Variants in RUFY2 observed in about 807,000 individuals in gnomAD.
RUFY2 encodes the protein RUN and FYVE domain containing 2.
RUFY2 carries 49 observed loss-of-function variants against 94.4 expected under a neutral mutation model. The observed-to-expected ratio is 0.52, with a 90% CI of 0.41 to 0.66. The LOEUF is 0.66. RUFY2 is among the 30% of genes least tolerant of loss of function. The pLI, the probability that RUFY2 is intolerant of heterozygous loss-of-function variation, is 0.00. For missense variants in RUFY2, 541 were observed against 692.8 expected (o/e 0.78, Z 2.46); for synonymous variants, 255 against 235.7 (o/e 1.08, Z -0.75).
chr10:68,361,366 C>T (rs1326635754), intron 15 of RUFY2, among the ~76,000 whole-genome samples: 2 of 152,148 alleles, frequency 1.3e-5, no homozygotes, highest in Non-Finnish European at 2.9e-5. Flanking sequence ...TAATATTAAA[C>T]CATTATGATC....
At chr10:68,392,017 T>C (rs2050031620) in intron 7 of RUFY2, among the ~76,000 whole-genome samples, 1 of 150,134 alleles carries the variant, frequency 6.7e-6, no homozygotes, top group South Asian at 2.2e-4. Flanking sequence ...ATCTCATATA[T>C]TTCTTTCTTT....
At chr10:68,391,919 C>T (rs1486815850) in intron 7 of RUFY2, among the ~76,000 whole-genome samples, 15 of 140,964 alleles carry the variant, frequency 1.1e-4, no homozygotes, top group African/African-American at 3.4e-4. Context: ...TGAGCTGAGA[C>T]GGTGCCATTG....
intron 16 of RUFY2, among the ~76,000 whole-genome samples, chr10:68,352,856 G>A (rs1245631363): frequency 6.6e-6 from 1 of 151,778 alleles, no homozygotes; most frequent in African/African-American, 2.4e-5. Flanking sequence ...GGAGGTGGAG[G>A]TTGCAGTGAG....
intron 15 of RUFY2, among the ~76,000 whole-genome samples, chr10:68,356,185 T>C (rs1303699914): frequency 6.6e-6 from 1 of 151,928 alleles, no homozygotes; most frequent in Non-Finnish European, 1.5e-5. Context: ...ATTATTTCTC[T>C]AGCAAATACA....
intron 13 of RUFY2, among the ~76,000 whole-genome samples, chr10:68,366,769 T>A (rs2047863730): frequency 7.6e-6 from 1 of 131,866 alleles, no homozygotes; most frequent in Non-Finnish European, 1.5e-5. Flanking sequence ...TAATATTAAA[T>A]ATATTAAATA....
At chr10:68,377,272 A>G in intron 12 of RUFY2, 1 of 1,184,362 alleles carries the variant, frequency 8.4e-7, no homozygotes. Context: ...TATGCAGAGC[A>G]TAACGAATCA....
intron 13 of RUFY2, among the ~76,000 whole-genome samples, chr10:68,367,124 C>A (rs142922273): frequency 0.035 from 5,366 of 151,412 alleles, 289 homozygotes; most frequent in African/African-American, 0.12. Flanking sequence ...GCTGAGATTG[C>A]GCCACTGCAT....
chr10:68,375,457 C>A (rs889403770), intron 13 of RUFY2, among the ~76,000 whole-genome samples: 1 of 151,564 alleles, frequency 6.6e-6, no homozygotes, highest in African/African-American at 2.4e-5. Flanking sequence ...ACCCCCAAAC[C>A]TAAAATAAAA....
chr10:68,382,713 C>CA (rs1275714576), intron 10 of RUFY2, among the ~76,000 whole-genome samples: 1,175 of 58,576 alleles, frequency 0.02, 26 homozygotes, highest in African/African-American at 0.066. Flanking sequence ...GACTCTATCT[C>CA]AAAAAAAAAA....
chr10:68,405,662 AT>A, intron 1 of RUFY2: 1 of 970,120 alleles, frequency 1.0e-6, no homozygotes, highest in Non-Finnish European at 1.2e-6. Flanking sequence ...GACAGGTAAA[AT>A]ACACTGACAA....
chr10:68,343,378 A>T (rs2046084209), downstream of RUFY2: 1 of 152,526 alleles, frequency 6.6e-6, no homozygotes, highest in African/African-American at 2.4e-5. Flanking sequence ...TTAATGAGCA[A>T]TTTAAATATT....
intron 13 of RUFY2, among the ~76,000 whole-genome samples, chr10:68,366,834 A>G (rs932048568): frequency 7.1e-6 from 1 of 141,006 alleles, no homozygotes; most frequent in African/African-American, 2.6e-5. Flanking sequence ...ATATATTATA[A>G]TAATATATAA....
chr10:68,358,218 C>T (rs756802500), intron 15 of RUFY2, among the ~76,000 whole-genome samples: 3 of 151,806 alleles, frequency 2.0e-5, no homozygotes, highest in African/African-American at 7.3e-5. Flanking sequence ...CAAACAACAA[C>T]AAAAAAATTG....
chr10:68,373,858 A>T (rs931889865), intron 13 of RUFY2, among the ~76,000 whole-genome samples: 15 of 152,170 alleles, frequency 9.9e-5, no homozygotes, highest in Non-Finnish European at 1.6e-4. Flanking sequence ...TCATGCCTGT[A>T]ATTTGGGAGG....
chr10:68,372,238 G>A (rs1218724981), intron 13 of RUFY2, among the ~76,000 whole-genome samples: 2 of 151,916 alleles, frequency 1.3e-5, no homozygotes, highest in Non-Finnish European at 2.9e-5. Flanking sequence ...GCAAGATCCT[G>A]TCCCTATAAA....
At chr10:68,383,039 T>TA (rs2049197135) in intron 10 of RUFY2, among the ~76,000 whole-genome samples, 2 of 152,200 alleles carry the variant, frequency 1.3e-5, no homozygotes, top group African/African-American at 4.8e-5. Flanking sequence ...AAAACACTGA[T>TA]ACAGGTCAGG....
rs751481803 is a variant in RUFY2 at position 68,345,827 on chromosome 10, G to A, written c.1762C>T (p.Arg588Trp). 7.4e-6 allele frequency: 12 copies of A among 1,613,620 alleles called. No homozygotes were observed. The highest frequency in any genetic ancestry group is 1.7e-5 in the Admixed American group (1 of 59,992). Residue 588 changes from arginine to tryptophan, a missense_variant, in exon 18 of 18, where the codon CGG becomes TGG. Around this residue, in one of 3 missense-constraint regions of RUFY2, gnomAD observed 403 missense variants for 480.7 expected, o/e 0.84. Coordinates refer to ENST00000602465, the MANE Select transcript of RUFY2 (RefSeq NM_001330103.2). ...AGTGCATGACAGGAATCACAAACCC[G>A]TACTGGTTTTGGTGAAGAAGGCAAA... Reference protein sequence around the residue: ...LPLPSSPKPVRVCDSCHALLI... With the variant: ...LPLPSSPKPVWVCDSCHALLI...
At chr10:68,371,087 G>A (rs10998091) in intron 13 of RUFY2, among the ~76,000 whole-genome samples, 13,686 of 147,438 alleles carry the variant, frequency 0.093, 946 homozygotes, top group South Asian at 0.24. Context: ...AGCTGAGACC[G>A]CGCCACTGCA....
chr10:68,381,960 T>C (rs1342336704), intron 10 of RUFY2, among the ~76,000 whole-genome samples: 1 of 152,210 alleles, frequency 6.6e-6, no homozygotes, highest in East Asian at 1.9e-4. Flanking sequence ...TTATGCTTCA[T>C]AGATTGAATA....
Sources: gnomAD v4.1 joint callset for allele counts (sites outside exome capture counted in the v4.1 genomes callset) on GRCh38, gnomAD v4.1.1 for gene constraint, gnomAD v4.1.1 regional missense constraint, MANE v1.5 for transcripts, NCBI Gene and HGNC (gene_info 2026-07-23, HGNC 2026-07-21) for gene names.